The following STK32B variants were observed in gnomAD, a reference collection of about 807,000 sequenced individuals.
STK32B encodes serine/threonine-protein kinase 32B.
In STK32B, 43 loss-of-function variants were observed where a neutral mutation model predicts 52.6. That is an observed-to-expected ratio of 0.82 (90% CI 0.64 to 1.05). The LOEUF (loss-of-function observed/expected upper bound fraction) is 1.05. Ranked by LOEUF, STK32B falls within the 50% of genes least tolerant of loss-of-function variation. STK32B has a pLI of 0.00. For missense variants in STK32B, 621 were observed against 534.6 expected (o/e 1.16, Z -1.59); for synonymous variants, 238 against 204.3 (o/e 1.17, Z -1.41).
chr4:5,131,650 G>A (rs1715783784), intron 1 of STK32B, among the ~76,000 whole-genome samples: 1 of 152,178 alleles, frequency 6.6e-6, no homozygotes. Context: ...TGTCATGCAT[G>A]TTTTTTGCCA....
intron 4 of STK32B, among the ~76,000 whole-genome samples, chr4:5,331,699 A>C (rs1732261616): frequency 6.6e-6 from 1 of 152,078 alleles, no homozygotes; most frequent in Non-Finnish European, 1.5e-5. Context: ...AAGTCAGAAG[A>C]GTTACAGGAG....
intron 4 of STK32B, among the ~76,000 whole-genome samples, chr4:5,354,351 C>A (rs983012288): frequency 6.6e-6 from 1 of 152,178 alleles, no homozygotes; most frequent in African/African-American, 2.4e-5. Context: ...CTGCAACCTC[C>A]ACCTCCTGGG....
intron 3 of STK32B, among the ~76,000 whole-genome samples, chr4:5,223,814 T>G (rs1189645734): frequency 8.4e-6 from 1 of 119,674 alleles, no homozygotes; most frequent in African/African-American, 3.7e-5. Context: ...AAGACTCCGT[T>G]TCAAAAAAAA....
chr4:5,450,519 C>A (rs1199536469), intron 7 of STK32B, among the ~76,000 whole-genome samples: 4 of 152,134 alleles, frequency 2.6e-5, no homozygotes, highest in African/African-American at 9.7e-5. Context: ...AAATTATTTT[C>A]CCCTTACTCA....
the STK32B span, among the ~76,000 whole-genome samples, chr4:5,046,169 T>C: frequency 4.6e-5 from 7 of 152,056 alleles, no homozygotes; most frequent in African/African-American, 1.7e-4. Flanking sequence ...AACAGACATA[T>C]AGATATCAGT....
chr4:5,346,069 C>G (rs1733438090), intron 4 of STK32B, among the ~76,000 whole-genome samples: 1 of 152,134 alleles, frequency 6.6e-6, no homozygotes, highest in Non-Finnish European at 1.5e-5. Context: ...CTTGTGCCTC[C>G]TGAATCCTGG....
At chr4:5,317,832 A>G (rs1484711721) in intron 3 of STK32B, among the ~76,000 whole-genome samples, 1 of 151,976 alleles carries the variant, frequency 6.6e-6, no homozygotes, top group Non-Finnish European at 1.5e-5. Flanking sequence ...CATTCATCTA[A>G]GTGTTTTGGA....
At chr4:5,108,612 A>G (rs1343498494) in intron 1 of STK32B, among the ~76,000 whole-genome samples, 1 of 152,222 alleles carries the variant, frequency 6.6e-6, no homozygotes, top group African/African-American at 2.4e-5. Flanking sequence ...TTGTGGCAAT[A>G]TAGTTAATTT....
intron 4 of STK32B, among the ~76,000 whole-genome samples, chr4:5,351,240 A>C (rs1380594122): frequency 6.6e-6 from 1 of 152,132 alleles, no homozygotes; most frequent in Non-Finnish European, 1.5e-5. Context: ...CAAATTTTTA[A>C]AAATTGAAAT....
chr4:5,206,447 G>A (rs555942771), intron 3 of STK32B, among the ~76,000 whole-genome samples: 23 of 152,198 alleles, frequency 1.5e-4, no homozygotes, highest in Middle Eastern at 3.4e-3. Flanking sequence ...AGTTTATGGC[G>A]GTTATTGCAT....
At chr4:5,166,025 G>C (rs1577130032) in intron 2 of STK32B, among the ~76,000 whole-genome samples, 1 of 152,162 alleles carries the variant, frequency 6.6e-6, no homozygotes, top group East Asian at 1.9e-4. Context: ...GAGGCCAAGA[G>C]AGGCACAAAG....
chr4:5,376,128 G>A lies in STK32B; in HGVS notation c.435-22079G>A, dbSNP rs150629764. 1.3e-3 allele frequency among the ~76,000 whole-genome samples: 197 copies of A among 152,256 alleles called. 7 individuals are homozygous for A. The highest frequency in any genetic ancestry group is 3.4e-3 in the Middle Eastern group (1 of 294). ...CTGGAGATTTTCCAGGTCCTGTGGG[G>A]GTGCTCTGCTTTGCTGGCATCCCCT... is the stretch of plus-strand genomic sequence containing the variant. On this transcript the variant is annotated intron_variant, in intron 4 of 11. Transcript: ENST00000282908.
chr4:5,340,884 A>G (rs1055095380), intron 4 of STK32B, among the ~76,000 whole-genome samples: 2 of 152,200 alleles, frequency 1.3e-5, no homozygotes, highest in Non-Finnish European at 2.9e-5. Flanking sequence ...CACATATACA[A>G]ATATCTCATT....
intron 1 of STK32B, among the ~76,000 whole-genome samples, chr4:5,116,196 A>ACACACG (rs1714707826): frequency 6.6e-6 from 1 of 152,052 alleles, no homozygotes; most frequent in African/African-American, 2.4e-5. Context: ...ACACACACAC[A>ACACACG]CACACGCACA....
At chr4:5,196,257 C>T (rs558258401) in intron 3 of STK32B, among the ~76,000 whole-genome samples, 7 of 150,550 alleles carry the variant, frequency 4.6e-5, no homozygotes, top group East Asian at 2.0e-4. Context: ...TGAGGGCCTG[C>T]GTGGGCTGAT....
chr4:5,171,712 C>T (rs1197522565), intron 3 of STK32B, among the ~76,000 whole-genome samples: 1 of 146,028 alleles, frequency 6.8e-6, no homozygotes, highest in East Asian at 2.1e-4. Flanking sequence ...TTACTGTAGC[C>T]TTGTAGTATG....
chr4:5,143,781 C>G (rs1716693477), intron 2 of STK32B, among the ~76,000 whole-genome samples: 1 of 74,446 alleles, frequency 1.3e-5, no homozygotes. Flanking sequence ...TGGATCTTAG[C>G]AAAGCTTCCC....
At chr4:5,145,443 CT>C (rs1217222744) in intron 2 of STK32B, among the ~76,000 whole-genome samples, 1 of 152,106 alleles carries the variant, frequency 6.6e-6, no homozygotes, top group Admixed American at 6.6e-5. Flanking sequence ...TCTGAGTAAC[CT>C]AAACCCATAC....
At chr4:5,496,956 A>G (rs1178897752) in intron 11 of STK32B, among the ~76,000 whole-genome samples, 1 of 152,178 alleles carries the variant, frequency 6.6e-6, no homozygotes, top group Non-Finnish European at 1.5e-5. Flanking sequence ...CGATAAAGAA[A>G]AGAAATTGTG....
Sources: allele counts gnomAD v4.1 joint callset (sites outside exome capture counted in the v4.1 genomes callset), GRCh38; gene constraint gnomAD v4.1.1; transcripts MANE v1.5; gene names NCBI Gene and HGNC (gene_info 2026-07-23, HGNC 2026-07-21).